MICU3: variants seen among roughly 807,000 people sequenced by gnomAD.
MICU3 encodes the protein calcium uptake protein 3, mitochondrial.
A neutral mutation model predicts 66.5 loss-of-function variants in MICU3; 62 were observed. That is an observed-to-expected ratio of 0.93 (90% CI 0.76 to 1.15). The LOEUF (loss-of-function observed/expected upper bound fraction) is 1.15. MICU3 is among the 50% of genes most tolerant of loss of function. The pLI is 0.00. For missense variants in MICU3, 779 were observed against 664.4 expected (o/e 1.17, Z -1.90); for synonymous variants, 308 against 240.7 (o/e 1.28, Z -2.59).
the MICU3 span, among the ~76,000 whole-genome samples, chr8:17,129,818 A>G: frequency 1.3e-5 from 2 of 152,218 alleles, no homozygotes; most frequent in African/African-American, 4.8e-5. Flanking sequence ...ACAAACCCAC[A>G]TCTGTTCATA....
At chr8:17,125,458 G>A (rs548779008), downstream of MICU3, among the ~76,000 whole-genome samples, 19 of 151,872 alleles carry the variant, frequency 1.3e-4, no homozygotes, top group Middle Eastern at 3.4e-3. Flanking sequence ...TTTGGTATAC[G>A]TTCATATTTA....
chr8:17,088,211 C>G (rs919295245), intron 7 of MICU3, among the ~76,000 whole-genome samples: 15 of 151,796 alleles, frequency 9.9e-5, no homozygotes, highest in African/African-American at 3.4e-4. Context: ...ATTGAACATC[C>G]CTCAGTATAC....
At chr8:17,105,354 C>G in intron 10 of MICU3, 59 bp from the exon 11 acceptor site, 1 of 1,009,344 alleles carries the variant, frequency 9.9e-7, no homozygotes, top group Non-Finnish European at 1.5e-6. Context: ...ATTTGCTCAT[C>G]TCCTGTTACG....
At chr8:17,037,080 C>T (rs530508169) in intron 1 of MICU3, among the ~76,000 whole-genome samples, 24 of 152,340 alleles carry the variant, frequency 1.6e-4, no homozygotes, top group Admixed American at 1.0e-3. Flanking sequence ...CCTCACTGCC[C>T]GGGGCCAGCA....
intron 3 of MICU3, among the ~76,000 whole-genome samples, chr8:17,073,546 T>C (rs1439070451): frequency 6.6e-6 from 1 of 152,158 alleles, no homozygotes; most frequent in Admixed American, 6.5e-5. Flanking sequence ...CATTATATGT[T>C]ACATTGTAAT....
chr8:17,056,192 A>C (rs554338881), intron 1 of MICU3, among the ~76,000 whole-genome samples: 2 of 152,338 alleles, frequency 1.3e-5, no homozygotes, highest in East Asian at 3.9e-4. Context: ...TCAATTCCCC[A>C]GGGACTACAT....
chr8:17,064,779 A>G (rs1249227490), intron 2 of MICU3, among the ~76,000 whole-genome samples: 7 of 152,174 alleles, frequency 4.6e-5, no homozygotes, highest in Admixed American at 4.6e-4. Flanking sequence ...CTGTTATAAT[A>G]TGTTGTTTTC....
At chr8:17,108,291 G>T (rs973406267) in intron 11 of MICU3, among the ~76,000 whole-genome samples, 3 of 152,126 alleles carry the variant, frequency 2.0e-5, no homozygotes, top group Non-Finnish European at 4.4e-5. Context: ...GGTCAAGGGT[G>T]CAGTCAGGAC....
At position 17,027,655 on chromosome 8, in the gene MICU3, G is replaced by C. The variant is rs1156788370; in HGVS notation, c.376G>C (p.Glu126Gln). 7.7e-7 allele frequency: 1 copy of C among 1,299,474 alleles called. No individual in the cohort carries two copies. Among genetic ancestry groups the C allele is most frequent in the Non-Finnish European group, 9.7e-7 (1 of 1,027,492 alleles). 80.5% of individuals were successfully genotyped at this position (1,299,474 alleles called of 1,614,324 possible). A position where few individuals can be genotyped will look rare whatever the true frequency, so the allele number is the denominator to read the frequency against. ...GCCCATCCCAGTGGCGGCTGCCAAG[G>C]AGACGGTGAGTGCGCGAGCGCGCGT... ...MLPIPVAAAK[E>Q]TVAIGRTDIE... Residue 126 changes from glutamate (E) to glutamine (Q), a missense_variant, in exon 1 of 15, where the codon GAG becomes CAG. Physicochemically the swap from Glu to Gln is conservative, Grantham distance 29. Transcript: ENST00000318063.
rs116969946 is a variant in MICU3, at chr8:17,043,283, C to G, written c.381+15623C>G. Among the ~76,000 whole-genome samples, 1,354 of 152,142 alleles carry G rather than the reference C, an allele frequency of 8.9e-3. 47 individuals carry two copies. The highest frequency in any genetic ancestry group is 0.071 in the East Asian group (366 of 5,162). ...TGGTTTCACATCAGATCAGAAAGGTCCTTATAATTTAGGCACAGTTTAAGC... is the reference window on the plus strand; with the variant it reads ...TGGTTTCACATCAGATCAGAAAGGTGCTTATAATTTAGGCACAGTTTAAGC... On this transcript the variant is annotated intron_variant, in intron 1 of 14. Transcript: ENST00000318063.
At position 17,035,150 on chromosome 8, in the gene MICU3, G is replaced by A. The variant is rs186566644; in HGVS notation, c.381+7490G>A. Among the ~76,000 whole-genome samples, 10 of 152,216 alleles carry A rather than the reference G, an allele frequency of 6.6e-5. No individual in the cohort carries two copies. In the East Asian group the frequency reaches 7.7e-4, roughly 12 times the overall value. On this transcript the variant is annotated intron_variant, in intron 1 of 14. Coordinates refer to ENST00000318063, the MANE Select transcript of MICU3 (RefSeq NM_181723.3). ...TGACTCTGCTCCTCTTTCACCTTTCGCCATGATTGTGAGGCCTTCCCAGCC... is the reference window on the plus strand; with the variant it reads ...TGACTCTGCTCCTCTTTCACCTTTCACCATGATTGTGAGGCCTTCCCAGCC...
At chr8:17,095,487 TTGTC>T (rs1800575942) in intron 8 of MICU3, among the ~76,000 whole-genome samples, 1 of 151,948 alleles carries the variant, frequency 6.6e-6, no homozygotes, top group Non-Finnish European at 1.5e-5. Flanking sequence ...GTGTGTGTGT[TTGTC>T]TGTGTTTAAA....
At chr8:17,113,653 A>G (rs1233183079) in intron 11 of MICU3, among the ~76,000 whole-genome samples, 1 of 152,200 alleles carries the variant, frequency 6.6e-6, no homozygotes, top group Non-Finnish European at 1.5e-5. Context: ...GACATTCATG[A>G]TCTAATGATG....
rs79528912 is a variant in MICU3 at position 17,055,460 on chromosome 8, C to G, written c.382-8624C>G. Among the ~76,000 whole-genome samples, 1,357 of 152,308 alleles carry G rather than the reference C, an allele frequency of 8.9e-3. 15 individuals are homozygous for G. The highest frequency in any genetic ancestry group is 0.03 in the African/African-American group (1,236 of 41,552). On this transcript the variant is annotated intron_variant, in intron 1 of 14. Coordinates refer to ENST00000318063, the MANE Select transcript of MICU3 (RefSeq NM_181723.3). ...CAGAGAGACTGCAAACTGTTGAGCA[C>G]AATTTCTTCTCCTTTTCCATAATAG...
At position 17,121,341 on chromosome 8, in the gene MICU3, A is replaced by T. The variant is rs1803183576; in HGVS notation, c.*1054A>T. 1 of 151,956 alleles carries T rather than the reference A, an allele frequency of 6.6e-6. No individual in the cohort carries two copies. Among genetic ancestry groups the T allele is most frequent in the African/African-American group, 2.4e-5 (1 of 41,572 alleles). The allele number at this position is 151,956 out of a possible 1,614,324, so 9.4% of individuals were successfully genotyped here. On this transcript the variant is annotated 3_prime_UTR_variant, in exon 15 of 15. Transcript: ENST00000318063. ...AGTAATAATAATTTAAATATAATTT[A>T]TTATTTCAAAAGAATATGTCTTAAA...
chr8:17,134,230 C>T, the MICU3 span: 1 of 152,202 alleles, frequency 6.6e-6, no homozygotes, highest in Non-Finnish European at 1.5e-5. Context: ...ATCCCAAGAT[C>T]TGCAGGGGGA....
chr8:17,116,657 A>G (rs1481324640), intron 13 of MICU3, 57 bp downstream of exon 13: 8 of 1,230,850 alleles, frequency 6.5e-6, no homozygotes, highest in East Asian at 5.4e-5. Flanking sequence ...AGGGAAATCA[A>G]TCCATCTAAG....
chr8:17,105,670 G>T, intron 11 of MICU3, 86 bp downstream of exon 11: 1 of 673,686 alleles, frequency 1.5e-6, no homozygotes, highest in Non-Finnish European at 2.3e-6. Flanking sequence ...TAGTTCTTTG[G>T]CTTCTCTGTG....
chr8:17,094,224 A>T (rs1035792360), intron 8 of MICU3, among the ~76,000 whole-genome samples: 2 of 152,030 alleles, frequency 1.3e-5, no homozygotes, highest in Admixed American at 6.6e-5. Context: ...TGTTGTATGT[A>T]GTCCTAGTTA....
Sources: gnomAD v4.1 joint callset for allele counts (sites outside exome capture counted in the v4.1 genomes callset) on GRCh38, gnomAD v4.1.1 for gene constraint, MANE v1.5 for transcripts, NCBI Gene and HGNC (gene_info 2026-07-23, HGNC 2026-07-21) for gene names.